Variants in DPP10 observed in about 807,000 individuals in gnomAD.
DPP10 encodes dipeptidyl peptidase like 10, also known as inactive dipeptidyl peptidase 10.
DPP10 carries 33 observed loss-of-function variants against 120.9 expected under a neutral mutation model. The observed-to-expected ratio is 0.27, with a 90% CI of 0.21 to 0.37. The LOEUF (loss-of-function observed/expected upper bound fraction) is 0.37, where lower values mean the gene tolerates loss of function less well. Among genes scored for constraint, DPP10 ranks in the 10% least tolerant of loss-of-function variants. The probability of loss-of-function intolerance (pLI) is 1.00; values close to 1 mark genes in which losing one functional copy is unlikely to be tolerated. For missense variants in DPP10, 816 were observed against 942.8 expected (o/e 0.87, Z 1.76); for synonymous variants, 337 against 326.1 (o/e 1.03, Z -0.36).
At chr2:115,096,059 A>G (rs1376270254) in intron 1 of DPP10, among the ~76,000 whole-genome samples, 1 of 152,128 alleles carries the variant, frequency 6.6e-6, no homozygotes, top group African/African-American at 2.4e-5. Context: ...TATCTAAAGT[A>G]TAAAATTACT....
chr2:114,512,398 A>G (rs1432991713), intron 1 of DPP10, among the ~76,000 whole-genome samples: 3 of 152,098 alleles, frequency 2.0e-5, no homozygotes, highest in Non-Finnish European at 2.9e-5. Context: ...ATGGACGTTC[A>G]TTTGTCTCAC....
At chr2:115,719,497 A>C (rs1469001801) in intron 7 of DPP10, among the ~76,000 whole-genome samples, 1 of 152,210 alleles carries the variant, frequency 6.6e-6, no homozygotes, top group Non-Finnish European at 1.5e-5. Context: ...AAATGAAAGC[A>C]GTGCTTTATA....
At chr2:114,539,969 C>T (rs914194220) in intron 1 of DPP10, among the ~76,000 whole-genome samples, 3 of 151,954 alleles carry the variant, frequency 2.0e-5, no homozygotes, top group African/African-American at 4.8e-5. Context: ...TCCAAGTGTT[C>T]GCAATTCATC....
intron 3 of DPP10, among the ~76,000 whole-genome samples, chr2:115,428,527 G>A (rs1238842815): frequency 6.6e-6 from 1 of 152,090 alleles, no homozygotes; most frequent in Non-Finnish European, 1.5e-5. Flanking sequence ...CACACACATG[G>A]TGAGATGAGG....
chr2:115,669,194 C>T (rs1221546813), intron 5 of DPP10, among the ~76,000 whole-genome samples: 7 of 152,010 alleles, frequency 4.6e-5, no homozygotes, highest in Non-Finnish European at 1.0e-4. Context: ...AAAAGGTGTA[C>T]ATTTGGTTTT....
chr2:114,517,095 G>A (rs928642614), intron 1 of DPP10, among the ~76,000 whole-genome samples: 3 of 152,030 alleles, frequency 2.0e-5, no homozygotes, highest in Non-Finnish European at 1.5e-5. Context: ...TCATTACATG[G>A]CATTTCACTT....
intron 1 of DPP10, among the ~76,000 whole-genome samples, chr2:114,676,548 T>C (rs1468033641): frequency 6.6e-6 from 1 of 152,118 alleles, no homozygotes; most frequent in Admixed American, 6.6e-5. Flanking sequence ...ACAATTGCCA[T>C]TAAAGTAATG....
At chr2:114,506,474 C>T (rs1042745422) in intron 1 of DPP10, among the ~76,000 whole-genome samples, 9 of 152,190 alleles carry the variant, frequency 5.9e-5, no homozygotes, top group South Asian at 4.1e-4. Flanking sequence ...GCCATGAGTG[C>T]GGGTACAAAA....
At chr2:114,666,211 G>C (rs984743965) in intron 1 of DPP10, among the ~76,000 whole-genome samples, 7 of 152,244 alleles carry the variant, frequency 4.6e-5, no homozygotes, top group African/African-American at 1.7e-4. Context: ...ATTTAACACT[G>C]TTTTAATGAG....
intron 1 of DPP10, among the ~76,000 whole-genome samples, chr2:115,087,308 G>A (rs913271298): frequency 3.9e-5 from 6 of 152,094 alleles, no homozygotes; most frequent in African/African-American, 1.2e-4. Flanking sequence ...GGATTTTAGG[G>A]ATTGGTTGAA....
At chr2:115,022,650 C>A (rs940134888) in intron 1 of DPP10, among the ~76,000 whole-genome samples, 1 of 151,318 alleles carries the variant, frequency 6.6e-6, no homozygotes, top group Non-Finnish European at 1.5e-5. Context: ...GAAAAAACAA[C>A]CCTAAAATTC....
intron 1 of DPP10, among the ~76,000 whole-genome samples, chr2:115,123,318 T>C (rs958451598): frequency 4.6e-5 from 7 of 152,176 alleles, no homozygotes; most frequent in African/African-American, 1.7e-4. Flanking sequence ...GTCCCTTGAT[T>C]TGAGGTTTCA....
chr2:115,738,594 C>A (rs13403370), intron 8 of DPP10, among the ~76,000 whole-genome samples: 20,322 of 152,094 alleles, frequency 0.13, 1,739 homozygotes, highest in African/African-American at 0.24. Context: ...TCTCCCAATG[C>A]CTTTTCCCTC....
intron 5 of DPP10, among the ~76,000 whole-genome samples, chr2:115,672,432 A>G (rs553674136): frequency 6.6e-6 from 1 of 152,304 alleles, no homozygotes; most frequent in African/African-American, 2.4e-5. Context: ...ACTGTAAAAA[A>G]TATTGAAAAT....
rs576422425 is a variant in DPP10, at chr2:115,093,215, A to G, written c.61-216024A>G. ...CACAGAGGAATAAAGTTATACATAT[A>G]AAGTTAAAAGATATGTAATATGAGT... On this transcript the variant is annotated intron_variant, in intron 1 of 25. Coordinates refer to ENST00000410059, the MANE Select transcript of DPP10 (RefSeq NM_020868.6). Among the ~76,000 whole-genome samples the G allele has an allele frequency of 2.0e-5, 3 of 152,270 alleles. No individual in the cohort carries two copies. In the East Asian group the frequency reaches 5.8e-4, roughly 29 times the overall value.
At chr2:115,384,405 AAGG>A (rs2066695372) in intron 3 of DPP10, among the ~76,000 whole-genome samples, 1 of 120,186 alleles carries the variant, frequency 8.3e-6, no homozygotes, top group Non-Finnish European at 2.1e-5. Flanking sequence ...GAAGAAGGAG[AAGG>A]AGAAGAAGAA....
chr2:114,621,444 C>T (rs1694083887), intron 1 of DPP10, among the ~76,000 whole-genome samples: 1 of 152,104 alleles, frequency 6.6e-6, no homozygotes, highest in African/African-American at 2.4e-5. Context: ...TTCTATAAGG[C>T]TGTGTAATTT....
intron 1 of DPP10, among the ~76,000 whole-genome samples, chr2:114,552,241 A>G (rs910686087): frequency 1.3e-5 from 2 of 152,216 alleles, no homozygotes; most frequent in African/African-American, 4.8e-5. Context: ...GTGTGTCATG[A>G]GGATTGGATG....
intron 5 of DPP10, among the ~76,000 whole-genome samples, chr2:115,625,479 G>T (rs1214382153): frequency 3.3e-5 from 5 of 152,084 alleles, no homozygotes; most frequent in Admixed American, 3.3e-4. Context: ...TAGTTTCAGT[G>T]GAGCTACTCC....
Sources: gnomAD v4.1 joint callset for allele counts (sites outside exome capture counted in the v4.1 genomes callset) on GRCh38, gnomAD v4.1.1 for gene constraint, MANE v1.5 for transcripts, NCBI Gene and HGNC (gene_info 2026-07-23, HGNC 2026-07-21) for gene names.